The following MBP variants were observed in gnomAD, a reference collection of about 807,000 sequenced individuals.
MBP encodes Golli-MBP.
In MBP, 16 loss-of-function variants were observed where a neutral mutation model predicts 35.8. The ratio of observed to expected loss-of-function variants is 0.45; its 90% CI spans 0.30 to 0.68. The LOEUF (loss-of-function observed/expected upper bound fraction) is 0.68, where lower values mean the gene tolerates loss of function less well. Ranked by LOEUF, MBP falls within the 30% of genes least tolerant of loss-of-function variation. The probability of loss-of-function intolerance (pLI) is 0.08; values close to 1 mark genes in which losing one functional copy is unlikely to be tolerated. For missense variants in MBP, 380 were observed against 404.7 expected (o/e 0.94, Z 0.52); for synonymous variants, 143 against 159.6 (o/e 0.90, Z 0.78).
In MBP at chr18:77,013,747, C is replaced by T. The variant is rs1015743570; in HGVS notation, c.576+3085G>A. The T allele has an allele frequency of 5.5e-5, 54 of 985,296 alleles. No homozygotes were observed. The East Asian group carries it at 6.8e-4, about 12-fold the overall frequency. 61.0% of individuals were successfully genotyped at this position (985,296 alleles called of 1,614,324 possible). A position where few individuals can be genotyped will look rare whatever the true frequency, so the allele number is the denominator to read the frequency against. The stretch of plus-strand genomic sequence containing the variant: ...AAAACCTCCCTAAAAGTACACGGCA[C>T]GGAGAAGTGGGGTACTGGGATGTCC... On this transcript the variant is annotated intron_variant, in intron 4 of 8. Transcript: ENST00000355994.
intron 3 of MBP, among the ~76,000 whole-genome samples, chr18:77,040,583 A>ATG (rs1972952928): frequency 6.6e-6 from 1 of 152,234 alleles, no homozygotes; most frequent in Non-Finnish European, 1.5e-5. Flanking sequence ...CACAACAGAT[A>ATG]TGTAGACCAA....
At chr18:77,019,912 C>T (rs1434856934) in intron 3 of MBP, among the ~76,000 whole-genome samples, 1 of 152,122 alleles carries the variant, frequency 6.6e-6, no homozygotes, top group Non-Finnish European at 1.5e-5. Context: ...GGGCTGAGAA[C>T]CTCCCAGGCC....
At chr18:77,055,057 G>A (rs1973666391) in intron 3 of MBP, among the ~76,000 whole-genome samples, 1 of 152,192 alleles carries the variant, frequency 6.6e-6, no homozygotes, top group Admixed American at 6.5e-5. Flanking sequence ...GTTTGCTCTG[G>A]GAGGCCCCGC....
At chr18:77,130,433 G>A (rs1977203334) in intron 1 of MBP, among the ~76,000 whole-genome samples, 1 of 133,078 alleles carries the variant, frequency 7.5e-6, no homozygotes, top group African/African-American at 3.7e-5. Context: ...GTGACATCCA[G>A]TGAGGGCATC....
At chr18:76,995,226 T>G (rs940731692) in intron 4 of MBP, among the ~76,000 whole-genome samples, 6 of 152,198 alleles carry the variant, frequency 3.9e-5, no homozygotes, top group African/African-American at 1.4e-4. Context: ...TGTTCATGAA[T>G]TAGAAGACTC....
intron 3 of MBP, among the ~76,000 whole-genome samples, chr18:77,022,640 T>A (rs1006580546): frequency 2.8e-4 from 42 of 152,388 alleles, no homozygotes; most frequent in African/African-American, 1.0e-3. Context: ...TATAAATTAA[T>A]GCAAATGTGA....
intron 3 of MBP, among the ~76,000 whole-genome samples, chr18:77,027,982 TTTTATTTA>T (rs56265384): frequency 6.9e-6 from 1 of 145,340 alleles, no homozygotes; most frequent in Non-Finnish European, 1.5e-5. Context: ...CCCAGCTAAT[TTTTATTTA>T]TTTATTTATT....
At chr18:77,120,384 G>A (rs1568349774) in intron 1 of MBP, among the ~76,000 whole-genome samples, 1 of 152,236 alleles carries the variant, frequency 6.6e-6, no homozygotes, top group Non-Finnish European at 1.5e-5. Context: ...GTGACGCCCA[G>A]AGGCACTCAG....
intron 4 of MBP, among the ~76,000 whole-genome samples, chr18:76,994,063 C>T (rs1039746712): frequency 2.0e-5 from 3 of 152,224 alleles, no homozygotes; most frequent in Admixed American, 1.3e-4. Context: ...CACTAACCAG[C>T]CTTGTACGTT....
Position 77,048,920 on chromosome 18 carries a change from A to T in MBP, c.139+17378T>A, listed in dbSNP as rs541083473. On this transcript the variant is annotated intron_variant, in intron 3 of 8. Coordinates refer to ENST00000355994, the MANE Select transcript of MBP (RefSeq NM_001025101.2). ...CTCTACGAGGGCAGGGTTTTTTTTT[A>T]ATTTTATTTATTTTTTTGATATGGA... Among the ~76,000 whole-genome samples the T allele has an allele frequency of 3.3e-3, 431 of 132,188 alleles. 3 individuals carry two copies. The highest frequency in any genetic ancestry group is 0.011 in the African/African-American group (401 of 35,174). The allele number at this position is 132,188 out of a possible 152,430, so 86.7% of individuals were successfully genotyped here.
chr18:77,066,275 T>G (rs1288457418), intron 3 of MBP, 23 bp downstream of exon 3: 1 of 1,590,840 alleles, frequency 6.3e-7, no homozygotes, highest in East Asian at 2.2e-5. Flanking sequence ...TGGCGCCATG[T>G]TGCCGATATC....
intron 1 of MBP, among the ~76,000 whole-genome samples, chr18:77,116,436 T>A (rs1331499390): frequency 6.6e-6 from 1 of 152,182 alleles, no homozygotes; most frequent in African/African-American, 2.4e-5. Flanking sequence ...AGACACAGCA[T>A]GAAACAGAAT....
At chr18:77,029,847 T>C (rs1166279576) in intron 3 of MBP, among the ~76,000 whole-genome samples, 1 of 152,054 alleles carries the variant, frequency 6.6e-6, no homozygotes, top group Non-Finnish European at 1.5e-5. Context: ...ATCTGTCCTC[T>C]ACCACCAGGA....
chr18:77,013,830 T>A, intron 4 of MBP: 1 of 985,442 alleles, frequency 1.0e-6, no homozygotes, highest in Non-Finnish European at 1.2e-6. Context: ...CCAGCTTAGG[T>A]GTCTTGTGAA....
At chr18:77,048,121 T>C (rs1407100684) in intron 3 of MBP, among the ~76,000 whole-genome samples, 1 of 152,204 alleles carries the variant, frequency 6.6e-6, no homozygotes, top group Non-Finnish European at 1.5e-5. Flanking sequence ...GCCCTTTTAA[T>C]CTCCACTGGG....
At chr18:77,057,043 T>C (rs56060144) in intron 3 of MBP, among the ~76,000 whole-genome samples, 101,252 of 152,076 alleles carry the variant, frequency 0.67, 34,379 homozygotes, top group African/African-American at 0.79. Context: ...GAAGGAGGCA[T>C]GTCCCCCAAG....
chr18:77,096,607 T>C (rs1400404411), intron 2 of MBP, among the ~76,000 whole-genome samples: 2 of 152,182 alleles, frequency 1.3e-5, no homozygotes, highest in Non-Finnish European at 2.9e-5. Flanking sequence ...AATAGAAAAA[T>C]CCAGAAATAT....
chr18:77,070,178 G>A (rs181959997), intron 2 of MBP, among the ~76,000 whole-genome samples: 33 of 152,296 alleles, frequency 2.2e-4, no homozygotes, highest in Admixed American at 1.8e-3. Flanking sequence ...TCCTGCAGAC[G>A]GGGCTCAGAC....
intron 1 of MBP, among the ~76,000 whole-genome samples, chr18:77,125,765 T>C (rs943484019): frequency 6.6e-6 from 1 of 151,998 alleles, no homozygotes; most frequent in African/African-American, 2.4e-5. Context: ...TATCAAAACT[T>C]TTACTCGATA....
Sources: gnomAD v4.1 joint callset for allele counts (sites outside exome capture counted in the v4.1 genomes callset) on GRCh38, gnomAD v4.1.1 for gene constraint, MANE v1.5 for transcripts, NCBI Gene and HGNC (gene_info 2026-07-23, HGNC 2026-07-21) for gene names.